Variants in TSPEAR observed in about 807,000 individuals in gnomAD.
The protein encoded by TSPEAR is thrombospondin type laminin G domain and EAR repeats.
A neutral mutation model predicts 71.6 loss-of-function variants in TSPEAR; 69 were observed. The ratio of observed to expected loss-of-function variants is 0.96; its 90% CI spans 0.79 to 1.18. The LOEUF (loss-of-function observed/expected upper bound fraction) is 1.18, where lower values mean the gene tolerates loss of function less well. Among genes scored for constraint, TSPEAR ranks in the 50% most tolerant of loss-of-function variants. The pLI is 0.00. For synonymous variants in TSPEAR, 402 were observed against 387.2 expected, an observed-to-expected ratio of 1.04 and a Z score of -0.45; for missense variants, 971 against 894.9, an observed-to-expected ratio of 1.09 and a Z score of -1.09.
At chr21:44,689,366 T>G (rs1241594516) in intron 1 of TSPEAR, among the ~76,000 whole-genome samples, 5 of 151,292 alleles carry the variant, frequency 3.3e-5, no homozygotes, top group South Asian at 4.2e-4. Flanking sequence ...GCCAGGCGTG[T>G]TGGCGGGTGC....
At chr21:44,589,572 G>T (rs1979615012) in intron 1 of TSPEAR, among the ~76,000 whole-genome samples, 1 of 152,216 alleles carries the variant, frequency 6.6e-6, no homozygotes, top group South Asian at 2.1e-4. Context: ...GTTTTCCAAG[G>T]TGCTTTCACT....
intron 1 of TSPEAR, chr21:44,575,192 A>AG (rs1240876596): frequency 1.6e-5 from 12 of 729,128 alleles, no homozygotes; most frequent in East Asian, 5.5e-5. Context: ...TTGCGGGGGG[A>AG]GGGGGGCGCT....
rs868913939 is a variant in TSPEAR, at chr21:44,623,824, T to C, written c.83-55819A>G. On this transcript the variant is annotated intron_variant, in intron 1 of 11. Transcript: ENST00000323084. This position sits in a 1 kb window ranked among gnomAD's most constrained non-coding sequence, Gnocchi z 4.5. ...TTTAAAGGTAATATTTCTTTTTTTT[T>C]CCCTTGGCTGTTTTTAAATTTTTCT... is the stretch of plus-strand genomic sequence containing the variant. 4.6e-5 allele frequency among the ~76,000 whole-genome samples: 7 copies of C among 152,318 alleles called. No individual in the cohort carries two copies. The highest frequency in any genetic ancestry group is 9.6e-5 in the African/African-American group (4 of 41,570).
chr21:44,504,097 C>G (rs1169831518), intron 11 of TSPEAR, among the ~76,000 whole-genome samples: 1 of 137,644 alleles, frequency 7.3e-6, no homozygotes, highest in African/African-American at 2.8e-5. Flanking sequence ...GGTGAGCCCA[C>G]AGTGGGGAAG....
intron 1 of TSPEAR, among the ~76,000 whole-genome samples, chr21:44,651,160 G>A (rs1010707827): frequency 1.3e-5 from 2 of 152,164 alleles, no homozygotes; most frequent in Non-Finnish European, 1.5e-5. Context: ...GGCCACGAGC[G>A]GGAGAGTGAG....
chr21:44,550,274 A>G (rs2053384079), intron 2 of TSPEAR: 3 of 235,638 alleles, frequency 1.3e-5, no homozygotes, highest in Non-Finnish European at 8.4e-6. Context: ...AAAGAGATCC[A>G]CGGGGCCCAG....
intron 2 of TSPEAR, among the ~76,000 whole-genome samples, chr21:44,551,999 T>C (rs2053449965): frequency 6.6e-6 from 1 of 152,206 alleles, no homozygotes; most frequent in Non-Finnish European, 1.5e-5. Context: ...TCCTGATGTC[T>C]GCCAAGAGCA....
chr21:44,510,670 G>A (rs1555912553), intron 9 of TSPEAR: 1 of 152,324 alleles, frequency 6.6e-6, no homozygotes, highest in Admixed American at 6.5e-5. Context: ...CCCAGCAGGG[G>A]GCGCCGTTGC....
chr21:44,650,593 T>C (rs9976987), intron 1 of TSPEAR, among the ~76,000 whole-genome samples: 41,837 of 152,216 alleles, frequency 0.27, 7,014 homozygotes, highest in African/African-American at 0.48. Flanking sequence ...TTCACCACCA[T>C]GGAAGGAACC....
At chr21:44,534,239 C>A (rs1315042591) in intron 2 of TSPEAR, among the ~76,000 whole-genome samples, 2 of 3,472 alleles carry the variant, frequency 5.8e-4, no homozygotes, top group Non-Finnish European at 8.8e-4. Flanking sequence ...TGTGAGGGGG[C>A]GGGGCTGGTG....
intron 1 of TSPEAR, among the ~76,000 whole-genome samples, chr21:44,699,917 G>A (rs917372119): frequency 1.3e-5 from 2 of 152,036 alleles, no homozygotes; most frequent in Admixed American, 6.6e-5. Flanking sequence ...CCCGTCCCCC[G>A]CCCTGCCCTG....
chr21:44,574,985 A>G lies in TSPEAR; in HGVS notation c.83-6980T>C, dbSNP rs781901942. 101 of 1,610,696 alleles carry G rather than the reference A, an allele frequency of 6.3e-5. 1 individual carries two copies. In the Admixed American group the frequency reaches 1.6e-3, roughly 25 times the overall value. On this transcript the variant is annotated intron_variant, in intron 1 of 11. Coordinates refer to ENST00000323084, the MANE Select transcript of TSPEAR (RefSeq NM_144991.3). ...TCTGACGCCCCGTGTGCTCCCGCCC[A>G]GCCTGCTGAGGCCTCCGCTCAGGTC... is the stretch of plus-strand genomic sequence containing the variant.
chr21:44,571,961 C>G (rs587596409), intron 1 of TSPEAR, among the ~76,000 whole-genome samples: 1 of 152,202 alleles, frequency 6.6e-6, no homozygotes, highest in African/African-American at 2.4e-5. Flanking sequence ...CGGAGGGGCA[C>G]CAGCACTGCC....
Position 44,525,647 on chromosome 21 carries a change from C to T in TSPEAR, c.1336+6G>A. ...CCTCCCGGTGTGAAGGCCACTCCTG[C>T]CCTACCTTCCCGGTGGTTGGCCACC... is the stretch of plus-strand genomic sequence containing the variant. On this transcript the variant is annotated splice_donor_region_variant and intron_variant, in intron 8 of 11. Coordinates refer to ENST00000323084, the MANE Select transcript of TSPEAR (RefSeq NM_144991.3). 6.2e-7 allele frequency: 1 copy of T among 1,613,708 alleles called. No individual in the cohort carries two copies. Among genetic ancestry groups the T allele is most frequent in the Non-Finnish European group, 8.5e-7 (1 of 1,179,742 alleles).
chr21:44,626,411 C>T lies in TSPEAR; in HGVS notation c.83-58406G>A, dbSNP rs782694643. The stretch of plus-strand genomic sequence containing the variant: ...AAAGATGCTTGCAGTGCAGGGCACA[C>T]GGAGGAGATGGCTCCAGCAGTGGCG... On this transcript the variant is annotated intron_variant, in intron 1 of 11. Transcript: ENST00000323084. Among the ~76,000 whole-genome samples, 26 of 152,276 alleles carry T rather than the reference C, an allele frequency of 1.7e-4. 1 individual carries two copies. The highest frequency in any genetic ancestry group is 5.8e-4 in the African/African-American group (24 of 41,556).
At chr21:44,522,479 C>A (rs1278742151) in intron 8 of TSPEAR, among the ~76,000 whole-genome samples, 3 of 152,236 alleles carry the variant, frequency 2.0e-5, no homozygotes, top group Non-Finnish European at 2.9e-5. Flanking sequence ...GCACTGCCAC[C>A]TCTGCCCGGA....
At chr21:44,518,996 T>G (rs1332475249) in intron 9 of TSPEAR, 1 of 189,158 alleles carries the variant, frequency 5.3e-6, no homozygotes, top group African/African-American at 2.4e-5. Context: ...AGCCACCCTT[T>G]CGTTGCTGCT....
At chr21:44,552,179 A>G (rs1481235599) in intron 2 of TSPEAR, among the ~76,000 whole-genome samples, 1 of 152,112 alleles carries the variant, frequency 6.6e-6, no homozygotes, top group East Asian at 1.9e-4. Context: ...GTGCAGATCC[A>G]GGCCTGGGGG....
At chr21:44,586,611 G>T (rs926137430) in intron 1 of TSPEAR, among the ~76,000 whole-genome samples, 3 of 151,922 alleles carry the variant, frequency 2.0e-5, no homozygotes, top group Non-Finnish European at 4.4e-5. Flanking sequence ...ACACCAATCA[G>T]CACCACTCCC....
Sources: allele counts gnomAD v4.1 joint callset (sites outside exome capture counted in the v4.1 genomes callset), GRCh38; gene constraint gnomAD v4.1.1; non-coding constraint Gnocchi (gnomAD v3.1); transcripts MANE v1.5; gene names NCBI Gene and HGNC (gene_info 2026-07-23, HGNC 2026-07-21).